Variants in STARD13 observed in about 807,000 individuals in gnomAD.
STARD13 encodes the protein stAR-related lipid transfer protein 13.
In STARD13, 62 loss-of-function variants were observed where a neutral mutation model predicts 106.4. The ratio of observed to expected loss-of-function variants is 0.58; its 90% confidence interval spans 0.48 to 0.72. STARD13 has a LOEUF of 0.72. STARD13 is among the 30% of genes least tolerant of loss of function. The probability of loss-of-function intolerance (pLI) is 0.00; values close to 1 mark genes in which losing one functional copy is unlikely to be tolerated. For synonymous variants in STARD13, 565 were observed against 553.0 expected, an observed-to-expected ratio of 1.02 and a Z score of -0.31; for missense variants, 1,387 against 1,424.0, an observed-to-expected ratio of 0.97 and a Z score of 0.42.
chr13:33,366,683 G>C, the STARD13 span, among the ~76,000 whole-genome samples: 1 of 152,114 alleles, frequency 6.6e-6, no homozygotes, highest in Non-Finnish European at 1.5e-5. The surrounding 1 kb of genome is among the most constrained non-coding windows in gnomAD (Gnocchi z 4.2). Context: ...CTGCAGCTCA[G>C]TAACAACGAT....
chr13:33,590,948 TAA>T, the STARD13 span, among the ~76,000 whole-genome samples: 64 of 152,268 alleles, frequency 4.2e-4, no homozygotes, highest in African/African-American at 1.5e-3. Context: ...CTGCAATTTT[TAA>T]AAGTCTCCTC....
At chr13:33,192,439 T>C (rs1325363) in intron 1 of STARD13, among the ~76,000 whole-genome samples, 35,289 of 152,152 alleles carry the variant, frequency 0.23, 4,295 homozygotes, top group African/African-American at 0.3. Flanking sequence ...TTATAGGACC[T>C]GTGAAAGCCA....
chr13:33,596,459 G>A, the STARD13 span, among the ~76,000 whole-genome samples: 9 of 152,114 alleles, frequency 5.9e-5, no homozygotes, highest in African/African-American at 1.7e-4. Context: ...TATGGGGTAC[G>A]TGTGATGTTT....
chr13:33,512,274 C>T, the STARD13 span, among the ~76,000 whole-genome samples: 1,338 of 152,274 alleles, frequency 8.8e-3, 17 homozygotes, highest in African/African-American at 0.031. Context: ...GTGATATCTA[C>T]ATGCACTAAA....
At chr13:33,163,000 A>T (rs570288334) in intron 3 of STARD13, among the ~76,000 whole-genome samples, 1 of 152,310 alleles carries the variant, frequency 6.6e-6, no homozygotes, top group East Asian at 1.9e-4. Flanking sequence ...AAGAGGTTTA[A>T]TTGGACTTAC....
At chr13:33,551,337 TATG>T in the STARD13 span, among the ~76,000 whole-genome samples, 1 of 152,172 alleles carries the variant, frequency 6.6e-6, no homozygotes, top group Non-Finnish European at 1.5e-5. Flanking sequence ...TGATCCATCA[TATG>T]AGGTCAGGTG....
At chr13:33,332,238 CT>C (rs2077844972) in intron 1 of STARD13, among the ~76,000 whole-genome samples, 1 of 152,178 alleles carries the variant, frequency 6.6e-6, no homozygotes, top group African/African-American at 2.4e-5. Context: ...CATTCCCGTC[CT>C]TTTCCTTCTG....
At chr13:33,601,610 G>A in the STARD13 span, among the ~76,000 whole-genome samples, 3 of 152,170 alleles carry the variant, frequency 2.0e-5, no homozygotes, top group Non-Finnish European at 4.4e-5. Flanking sequence ...TAACACACAA[G>A]AAAGCTGAAT....
the STARD13 span, among the ~76,000 whole-genome samples, chr13:33,608,940 G>A: frequency 6.6e-6 from 1 of 151,632 alleles, no homozygotes; most frequent in African/African-American, 2.4e-5. Flanking sequence ...CAAAAAATTA[G>A]CCGGGCGTGG....
At chr13:33,588,220 C>T in the STARD13 span, among the ~76,000 whole-genome samples, 1 of 152,208 alleles carries the variant, frequency 6.6e-6, no homozygotes, top group East Asian at 1.9e-4. Flanking sequence ...TATCTACAGC[C>T]CCCAAAAAAG....
chr13:33,413,247 T>G, the STARD13 span, among the ~76,000 whole-genome samples: 1 of 152,024 alleles, frequency 6.6e-6, no homozygotes, highest in Non-Finnish European at 1.5e-5. Context: ...ATATCAAAAT[T>G]TGTGGGTCAT....
the STARD13 span, among the ~76,000 whole-genome samples, chr13:33,376,258 C>T: frequency 6.6e-6 from 1 of 152,064 alleles, no homozygotes; most frequent in African/African-American, 2.4e-5. Flanking sequence ...CAGTATTTTG[C>T]AAATGTCAAT....
intron 1 of STARD13, among the ~76,000 whole-genome samples, chr13:33,224,031 T>C (rs1478983034): frequency 6.6e-6 from 1 of 152,186 alleles, no homozygotes; most frequent in Non-Finnish European, 1.5e-5. Flanking sequence ...GAGGCCCTAA[T>C]ATAGGCTTGA....
the STARD13 span, among the ~76,000 whole-genome samples, chr13:33,674,006 A>T: frequency 1.7e-3 from 254 of 152,006 alleles, 2 homozygotes; most frequent in African/African-American, 5.8e-3. Flanking sequence ...AATTACAGGC[A>T]TGCACCACAT....
chr13:33,346,865 C>T (rs966281398), downstream of STARD13, among the ~76,000 whole-genome samples: 3 of 151,760 alleles, frequency 2.0e-5, no homozygotes, highest in East Asian at 1.9e-4. Flanking sequence ...CTTGAACTTC[C>T]GACCGCAGGT....
the STARD13 span, among the ~76,000 whole-genome samples, chr13:33,375,537 T>C: frequency 6.6e-6 from 1 of 152,122 alleles, no homozygotes. Flanking sequence ...TCAACAGGGC[T>C]GGGGGAGGCC....
chr13:33,201,730 T>C (rs1461897571), intron 1 of STARD13, among the ~76,000 whole-genome samples: 2 of 152,184 alleles, frequency 1.3e-5, no homozygotes, highest in African/African-American at 4.8e-5. Context: ...GGTTACCTTA[T>C]TTTCAACATT....
At chr13:33,299,210 A>G (rs1892618487) in intron 1 of STARD13, among the ~76,000 whole-genome samples, 1 of 152,202 alleles carries the variant, frequency 6.6e-6, no homozygotes, top group African/African-American at 2.4e-5. Flanking sequence ...ACATTCTATA[A>G]TGTTCACACA....
chr13:33,311,304 T>A (rs943244895), intron 1 of STARD13, among the ~76,000 whole-genome samples: 2 of 151,698 alleles, frequency 1.3e-5, no homozygotes, highest in African/African-American at 4.8e-5. Context: ...CTCAAAAAAA[T>A]AAAACTAAAA....
Sources: gnomAD v4.1 joint callset for allele counts (sites outside exome capture counted in the v4.1 genomes callset) on GRCh38, gnomAD v4.1.1 for gene constraint, Gnocchi (gnomAD v3.1) non-coding constraint, MANE v1.5 for transcripts, NCBI Gene and HGNC (gene_info 2026-07-23, HGNC 2026-07-21) for gene names.